Variants in ALOX5AP observed in about 807,000 individuals in gnomAD.
ALOX5AP encodes the protein arachidonate 5-lipoxygenase activating protein.
ALOX5AP carries 9 observed loss-of-function variants against 18.5 expected under a neutral mutation model. The ratio of observed to expected loss-of-function variants is 0.49; its 90% CI spans 0.29 to 0.85. The LOEUF (loss-of-function observed/expected upper bound fraction) is 0.85, where lower values mean the gene tolerates loss of function less well. ALOX5AP is among the 40% of genes least tolerant of loss of function. The pLI, the probability that ALOX5AP is intolerant of heterozygous loss-of-function variation, is 0.08. For missense variants in ALOX5AP, 172 were observed against 202.5 expected (o/e 0.85, Z 0.91); for synonymous variants, 81 against 78.6 (o/e 1.03, Z -0.16).
At chr13:30,715,316 G>A (rs372094805) in intron 1 of ALOX5AP, among the ~76,000 whole-genome samples, 30 of 152,316 alleles carry the variant, frequency 2.0e-4, no homozygotes, top group Admixed American at 2.6e-4. Flanking sequence ...ACTTGGTCCC[G>A]TGCCTGGCAC....
chr13:30,752,040 T>C lies in ALOX5AP; in HGVS notation c.171-12T>C, dbSNP rs752945827. On this transcript the variant is annotated splice_polypyrimidine_tract_variant and intron_variant, in intron 2 of 4. Transcript: ENST00000380490. ...CTCTGATTGTTTTTCTCCTTGTTTG[T>C]TTATTCTGCAGCCAGAACTGTGTAG... The C allele has an allele frequency of 3.7e-6, 6 of 1,613,940 alleles. No homozygotes were observed. Among genetic ancestry groups the C allele is most frequent in the Non-Finnish European group, 5.1e-6 (6 of 1,179,808 alleles).
At chr13:30,756,686 G>C (rs545188986) in intron 4 of ALOX5AP, among the ~76,000 whole-genome samples, 1 of 151,874 alleles carries the variant, frequency 6.6e-6, no homozygotes, top group Non-Finnish European at 1.5e-5. Flanking sequence ...GGTGGTGGGC[G>C]CCTGTAATCC....
chr13:30,716,911 G>A (rs942285847), intron 1 of ALOX5AP, among the ~76,000 whole-genome samples: 1 of 152,208 alleles, frequency 6.6e-6, no homozygotes, highest in African/African-American at 2.4e-5. Context: ...GAGCCCCTAC[G>A]GTCCTCTCCC....
intron 4 of ALOX5AP, among the ~76,000 whole-genome samples, chr13:30,759,798 C>T (rs1951926431): frequency 6.6e-6 from 1 of 152,110 alleles, no homozygotes; most frequent in Non-Finnish European, 1.5e-5. Context: ...AAAGCGAAAC[C>T]CACCAAACAA....
At position 30,751,916 on chromosome 13, in the gene ALOX5AP, T is replaced by A. The variant is rs1951855093; in HGVS notation, c.171-136T>A. The A allele has an allele frequency of 4.8e-6, 4 of 826,742 alleles. No homozygotes were observed. The South Asian group carries it at 5.0e-5, about 10-fold the overall frequency. The allele number at this position is 826,742 out of a possible 1,614,324, so 51.2% of individuals were successfully genotyped here. A position where few individuals can be genotyped will look rare whatever the true frequency, so the allele number is the denominator to read the frequency against. On this transcript the variant is annotated intron_variant, in intron 2 of 4. Coordinates refer to ENST00000380490, the MANE Select transcript of ALOX5AP (RefSeq NM_001629.4). Reference sequence around the variant, plus strand: ...TGGCTGCCCCATCTTATTGGGTAGATGTAAGTGGAATTACGAATGGGATTT... The same window carrying A: ...TGGCTGCCCCATCTTATTGGGTAGAAGTAAGTGGAATTACGAATGGGATTT...
chr13:30,715,090 C>T (rs1042022227), intron 1 of ALOX5AP, among the ~76,000 whole-genome samples: 71 of 152,102 alleles, frequency 4.7e-4, no homozygotes, highest in Non-Finnish European at 5.9e-4. Flanking sequence ...GACCTTGGAC[C>T]GGTTGCTTGA....
At chr13:30,734,642 T>C (rs992971140), upstream of ALOX5AP, among the ~76,000 whole-genome samples, 1 of 152,242 alleles carries the variant, frequency 6.6e-6, no homozygotes, top group African/African-American at 2.4e-5. Flanking sequence ...TCTTATTCAG[T>C]TGAAAAGAAT....
upstream of ALOX5AP, among the ~76,000 whole-genome samples, chr13:30,733,249 C>T (rs1433595308): frequency 6.6e-6 from 1 of 151,278 alleles, no homozygotes; most frequent in African/African-American, 2.4e-5. Flanking sequence ...CTGTTCTTTT[C>T]AACTTCAGCT....
chr13:30,748,414 G>A (rs572575668), intron 2 of ALOX5AP, among the ~76,000 whole-genome samples: 205 of 152,286 alleles, frequency 1.3e-3, no homozygotes, highest in African/African-American at 4.6e-3. Flanking sequence ...GGAGAAAAAT[G>A]AAAGGGAATA....
chr13:30,721,402 G>A (rs934834927), intron 1 of ALOX5AP, among the ~76,000 whole-genome samples: 1 of 152,180 alleles, frequency 6.6e-6, no homozygotes, highest in Non-Finnish European at 1.5e-5. Context: ...GGACTTCTCA[G>A]GCAGTGGCCC....
intron 1 of ALOX5AP, among the ~76,000 whole-genome samples, chr13:30,715,336 A>G (rs10870640): frequency 0.57 from 86,290 of 152,154 alleles, 28,024 homozygotes; most frequent in Non-Finnish European, 0.73. Context: ...CATTTACTGC[A>G]CTTAATGTAT....
intron 1 of ALOX5AP, among the ~76,000 whole-genome samples, chr13:30,718,479 C>A (rs1200651440): frequency 6.6e-6 from 1 of 151,256 alleles, no homozygotes; most frequent in East Asian, 1.9e-4. Context: ...TCTGACCCAC[C>A]CTTGCCCCCT....
intron 1 of ALOX5AP, among the ~76,000 whole-genome samples, chr13:30,727,057 T>C (rs1350512296): frequency 1.7e-5 from 1 of 57,220 alleles, no homozygotes; most frequent in African/African-American, 7.0e-5. Context: ...AGCATGATTT[T>C]GCCTTTTTTT....
chr13:30,741,830 TG>T (rs1951768109), intron 1 of ALOX5AP, among the ~76,000 whole-genome samples: 2 of 86,828 alleles, frequency 2.3e-5, no homozygotes, highest in South Asian at 5.1e-4. Flanking sequence ...AATGGTTTTC[TG>T]TTTTTTTTTT....
At chr13:30,718,697 G>T (rs1050365827) in intron 1 of ALOX5AP, among the ~76,000 whole-genome samples, 3 of 152,184 alleles carry the variant, frequency 2.0e-5, no homozygotes, top group Non-Finnish European at 4.4e-5. Context: ...AAAACATGGG[G>T]TTTACACTGG....
chr13:30,739,222 G>C (rs1312646754), intron 1 of ALOX5AP, among the ~76,000 whole-genome samples: 2 of 152,166 alleles, frequency 1.3e-5, no homozygotes, highest in African/African-American at 4.8e-5. Flanking sequence ...GCTTCCTGCT[G>C]TGCTTAGTTT....
At chr13:30,753,917 T>A (rs765363491) in intron 3 of ALOX5AP, among the ~76,000 whole-genome samples, 21 of 152,144 alleles carry the variant, frequency 1.4e-4, no homozygotes, top group Non-Finnish European at 2.9e-4. Context: ...CCAAGGCAAA[T>A]CGTGATTGTG....
chr13:30,731,238 G>A (rs1951678406), upstream of ALOX5AP, among the ~76,000 whole-genome samples: 1 of 152,160 alleles, frequency 6.6e-6, no homozygotes, highest in Admixed American at 6.5e-5. Context: ...AATGCAGAAG[G>A]ACCAGGGAGC....
intron 2 of ALOX5AP, among the ~76,000 whole-genome samples, chr13:30,747,985 T>A (rs980554295): frequency 6.6e-6 from 1 of 152,136 alleles, no homozygotes; most frequent in African/African-American, 2.4e-5. Flanking sequence ...AGTGGTGCAA[T>A]CTTGGCTGAC....
Sources: allele counts gnomAD v4.1 joint callset (sites outside exome capture counted in the v4.1 genomes callset), GRCh38; gene constraint gnomAD v4.1.1; transcripts MANE v1.5; gene names NCBI Gene and HGNC (gene_info 2026-07-23, HGNC 2026-07-21).